The following OSBPL9 variants were observed in gnomAD, a reference collection of about 807,000 sequenced individuals.
OSBPL9 encodes the protein oxysterol binding protein like 9, also known as oxysterol-binding protein-related protein 9.
A neutral mutation model predicts 106.6 loss-of-function variants in OSBPL9; 40 were observed. The observed-to-expected ratio is 0.38, with a 90% CI of 0.29 to 0.49. OSBPL9 has a LOEUF of 0.49. OSBPL9 is among the 20% of genes least tolerant of loss of function. The pLI is 0.97. For missense variants in OSBPL9, 609 were observed against 887.2 expected, an observed-to-expected ratio of 0.69 and a Z score of 3.98; for synonymous variants, 269 against 295.4, an observed-to-expected ratio of 0.91 and a Z score of 0.92.
At chr1:51,591,154 G>A (rs1209377450) in intron 1 of OSBPL9, among the ~76,000 whole-genome samples, 2 of 151,724 alleles carry the variant, frequency 1.3e-5, no homozygotes, top group African/African-American at 4.8e-5. Context: ...TCCTGACCTC[G>A]TGATCTGCCC....
chr1:51,684,574 AG>A (rs1373102079), intron 3 of OSBPL9, among the ~76,000 whole-genome samples: 1 of 152,240 alleles, frequency 6.6e-6, no homozygotes, highest in Non-Finnish European at 1.5e-5. Flanking sequence ...TCTGTCGCCC[AG>A]GCTGGAGTGC....
At chr1:51,541,676 A>G in the OSBPL9 span, among the ~76,000 whole-genome samples, 1 of 152,206 alleles carries the variant, frequency 6.6e-6, no homozygotes, top group African/African-American at 2.4e-5. Flanking sequence ...GCCTTTCTGC[A>G]AGGATGAGGA....
intron 3 of OSBPL9, among the ~76,000 whole-genome samples, chr1:51,712,263 G>A (rs938535479): frequency 6.6e-6 from 1 of 152,198 alleles, no homozygotes; most frequent in African/African-American, 2.4e-5. Context: ...CCAGTCAGGC[G>A]TGGCGGCGCG....
chr1:51,751,131 A>G (rs778934778), intron 8 of OSBPL9, among the ~76,000 whole-genome samples: 10 of 152,180 alleles, frequency 6.6e-5, no homozygotes, highest in Admixed American at 6.5e-5. Context: ...TCTGTTGCCC[A>G]GGCTGGAGTG....
chr1:51,756,225 A>T, intron 8 of OSBPL9, 95 bp from the exon 9 acceptor site: 2 of 998,372 alleles, frequency 2.0e-6, no homozygotes, highest in Non-Finnish European at 3.1e-6. Flanking sequence ...TAACATTATT[A>T]CTTACCTAGT....
At chr1:51,786,982 C>G (rs1014819905) in intron 22 of OSBPL9, among the ~76,000 whole-genome samples, 4 of 152,216 alleles carry the variant, frequency 2.6e-5, no homozygotes, top group Non-Finnish European at 5.9e-5. Flanking sequence ...TTCTCAGTTC[C>G]TCTAACACTT....
intron 2 of OSBPL9, among the ~76,000 whole-genome samples, chr1:51,606,545 G>A (rs954433404): frequency 1.3e-5 from 2 of 152,226 alleles, no homozygotes; most frequent in Non-Finnish European, 2.9e-5. Context: ...ACAGAAGGCT[G>A]TTGCAATCTG....
intron 1 of OSBPL9, among the ~76,000 whole-genome samples, chr1:51,630,553 C>G (rs1280842100): frequency 6.6e-6 from 1 of 152,094 alleles, no homozygotes; most frequent in African/African-American, 2.4e-5. Context: ...AGGGCACTTA[C>G]CATGAATGAA....
At chr1:51,708,717 C>T (rs1190010208) in intron 3 of OSBPL9, among the ~76,000 whole-genome samples, 1 of 151,854 alleles carries the variant, frequency 6.6e-6, no homozygotes, top group Admixed American at 6.6e-5. Flanking sequence ...CTTTTTTCTC[C>T]TTTCTTGTCA....
chr1:51,556,285 A>AT, the OSBPL9 span, among the ~76,000 whole-genome samples: 2 of 152,242 alleles, frequency 1.3e-5, no homozygotes, highest in Non-Finnish European at 2.9e-5. Flanking sequence ...AATGATGGTC[A>AT]TTTTATAATT....
chr1:51,665,238 G>T (rs991350828), intron 2 of OSBPL9, among the ~76,000 whole-genome samples: 1 of 152,116 alleles, frequency 6.6e-6, no homozygotes. Flanking sequence ...TCCAGCTCCC[G>T]GCTTCAAGTG....
chr1:51,787,573 G>C, intron 23 of OSBPL9, 85 bp downstream of exon 23: 1 of 1,603,982 alleles, frequency 6.2e-7, no homozygotes, highest in Non-Finnish European at 8.5e-7. Context: ...GCCAAACACT[G>C]TTTATAAACA....
chr1:51,629,445 T>C (rs1644971869), intron 1 of OSBPL9, among the ~76,000 whole-genome samples: 1 of 152,104 alleles, frequency 6.6e-6, no homozygotes, highest in South Asian at 2.1e-4. Context: ...AGAAATTTGT[T>C]AGGTGATTTT....
At chr1:51,748,813 C>T (rs2149015939) in intron 7 of OSBPL9, among the ~76,000 whole-genome samples, 1 of 152,188 alleles carries the variant, frequency 6.6e-6, no homozygotes, top group Non-Finnish European at 1.5e-5. Flanking sequence ...TGGCCGGGCG[C>T]GGTGGCTCAC....
At chr1:51,711,132 C>T (rs1260931764) in intron 3 of OSBPL9, among the ~76,000 whole-genome samples, 6 of 151,948 alleles carry the variant, frequency 3.9e-5, no homozygotes, top group South Asian at 2.1e-4. Context: ...GGCAACCATC[C>T]GATTTCTCAA....
chr1:51,582,541 G>T (rs1268108644), intron 1 of OSBPL9, among the ~76,000 whole-genome samples: 1 of 152,010 alleles, frequency 6.6e-6, no homozygotes, highest in Non-Finnish European at 1.5e-5. Flanking sequence ...TGTTGGCCAG[G>T]CTGGTTTCAA....
intron 2 of OSBPL9, among the ~76,000 whole-genome samples, chr1:51,609,998 C>T (rs979457688): frequency 2.0e-5 from 3 of 151,956 alleles, no homozygotes; most frequent in Admixed American, 1.3e-4. Flanking sequence ...CTGCCTGCCT[C>T]GGCCTCCCAA....
intron 1 of OSBPL9, among the ~76,000 whole-genome samples, chr1:51,587,362 C>T (rs923321047): frequency 6.6e-6 from 1 of 152,090 alleles, no homozygotes; most frequent in Non-Finnish European, 1.5e-5. Flanking sequence ...CAGACTCCGT[C>T]TCAAAATAAA....
intron 12 of OSBPL9, among the ~76,000 whole-genome samples, chr1:51,769,310 A>G (rs902519217): frequency 6.6e-6 from 1 of 152,194 alleles, no homozygotes; most frequent in Non-Finnish European, 1.5e-5. Flanking sequence ...TATACTAATG[A>G]TAGCTTCTGT....
Sources: gnomAD v4.1 joint callset for allele counts (sites outside exome capture counted in the v4.1 genomes callset) on GRCh38, gnomAD v4.1.1 for gene constraint, MANE v1.5 for transcripts, NCBI Gene and HGNC (gene_info 2026-07-23, HGNC 2026-07-21) for gene names.